The following PRKN variants were observed in gnomAD, a reference collection of about 807,000 sequenced individuals.
PRKN encodes the protein E3 ubiquitin-protein ligase parkin.
In PRKN, 56 loss-of-function variants were observed where a neutral mutation model predicts 59.5. The observed-to-expected ratio is 0.94, with a 90% CI of 0.76 to 1.18. The LOEUF is 1.18. Among genes scored for constraint, PRKN ranks in the 50% most tolerant of loss-of-function variants. The pLI, the probability that PRKN is intolerant of heterozygous loss-of-function variation, is 0.00. For missense variants in PRKN, 657 were observed against 596.4 expected (o/e 1.10, Z -1.06); for synonymous variants, 250 against 222.1 (o/e 1.13, Z -1.12).
chr6:162,442,830 C>A (rs192770300), intron 2 of PRKN, among the ~76,000 whole-genome samples: 2 of 152,094 alleles, frequency 1.3e-5, no homozygotes, highest in African/African-American at 4.8e-5. Flanking sequence ...TGCCAATGGG[C>A]CCCGGAGCCC....
intron 9 of PRKN, among the ~76,000 whole-genome samples, chr6:161,496,793 C>T (rs1777767894): frequency 6.6e-6 from 1 of 152,144 alleles, no homozygotes; most frequent in Non-Finnish European, 1.5e-5. Flanking sequence ...GGAGACACAG[C>T]AAGAAGGTGG....
intron 7 of PRKN, among the ~76,000 whole-genome samples, chr6:161,733,985 CA>C: frequency 6.9e-6 from 1 of 143,894 alleles, no homozygotes; most frequent in African/African-American, 2.9e-5. Context: ...CACACACACA[CA>C]CACACACACA....
At chr6:161,944,134 G>GACCAGCCTGAGGAATCAGCCTGAGGA in intron 6 of PRKN, among the ~76,000 whole-genome samples, 1 of 103,316 alleles carries the variant, frequency 9.7e-6, no homozygotes, top group South Asian at 3.4e-4. Context: ...CAGCCTGAGG[G>GACCAGCCTGAGGAATCAGCCTGAGGA]ATCAGCCTGA....
intron 1 of PRKN, among the ~76,000 whole-genome samples, chr6:162,661,948 A>G (rs1054348789): frequency 6.6e-6 from 1 of 152,172 alleles, no homozygotes; most frequent in Admixed American, 6.5e-5. Flanking sequence ...TGTACCCAGT[A>G]GGTTTTTCAA....
intron 7 of PRKN, among the ~76,000 whole-genome samples, chr6:161,606,580 A>G (rs964968378): frequency 7.9e-5 from 12 of 152,246 alleles, no homozygotes; most frequent in Non-Finnish European, 1.0e-4. Context: ...AGAAAAAATC[A>G]GAAGAGAGAT....
chr6:161,492,035 A>G (rs997369784), intron 9 of PRKN, among the ~76,000 whole-genome samples: 5 of 152,234 alleles, frequency 3.3e-5, no homozygotes, highest in Non-Finnish European at 7.3e-5. Flanking sequence ...GGTAAAACTC[A>G]TAAGACATAT....
intron 1 of PRKN, among the ~76,000 whole-genome samples, chr6:162,468,751 C>T (rs1174165750): frequency 6.6e-6 from 1 of 152,172 alleles, no homozygotes; most frequent in Admixed American, 6.5e-5. Flanking sequence ...TAAGTGTGGT[C>T]TCTTACCTAG....
chr6:161,369,303 A>C lies in PRKN; in HGVS notation c.1168-9098T>G, dbSNP rs1038997965. ...GTCCAGACTCTGGAGATTGGGATTC[A>C]GTAGGTCTGTGGCGGGGTACAGAAA... On this transcript the variant is annotated intron_variant, in intron 10 of 11. Coordinates refer to ENST00000366898, the MANE Select transcript of PRKN (RefSeq NM_004562.3). The surrounding 1 kb of genome is among the most constrained non-coding windows in gnomAD (Gnocchi z 5.8). 6.6e-6 allele frequency among the ~76,000 whole-genome samples: 1 copy of C among 152,200 alleles called. No homozygotes were observed. The highest frequency in any genetic ancestry group is 1.5e-5 in the Non-Finnish European group (1 of 68,038).
Position 161,911,003 on chromosome 6 carries a change from A to G in PRKN, c.734+62299T>C, listed in dbSNP as rs1220930610. Among the ~76,000 whole-genome samples, 50 of 152,240 alleles carry G rather than the reference A, an allele frequency of 3.3e-4. 1 individual carries two copies. The highest frequency in any genetic ancestry group is 3.2e-3 in the Admixed American group (49 of 15,282). On this transcript the variant is annotated intron_variant, in intron 6 of 11. Transcript: ENST00000366898. Reference sequence around the variant, plus strand: ...GTTTTAGAAGCACTGGGACACCAAAATAACTGTGGACTTGCTTTACTGTGA... The same window carrying G: ...GTTTTAGAAGCACTGGGACACCAAAGTAACTGTGGACTTGCTTTACTGTGA...
chr6:162,018,566 CA>C (rs2128274122), intron 5 of PRKN, among the ~76,000 whole-genome samples: 1 of 152,290 alleles, frequency 6.6e-6, no homozygotes, highest in African/African-American at 2.4e-5. Context: ...ATAATCTTGA[CA>C]GATGTGTTTT....
At chr6:162,260,231 CAG>C (rs1779830137) in intron 3 of PRKN, among the ~76,000 whole-genome samples, 1 of 152,070 alleles carries the variant, frequency 6.6e-6, no homozygotes, top group African/African-American at 2.4e-5. Flanking sequence ...GGCCACAAGA[CAG>C]AGGGGTAAAT....
intron 5 of PRKN, among the ~76,000 whole-genome samples, chr6:161,985,122 C>T (rs1176048264): frequency 6.6e-6 from 1 of 152,196 alleles, no homozygotes; most frequent in Non-Finnish European, 1.5e-5. Context: ...ATCGCAGTGA[C>T]TTATGCGATG....
intron 8 of PRKN, among the ~76,000 whole-genome samples, chr6:161,564,405 C>T (rs1780562116): frequency 6.6e-6 from 1 of 152,190 alleles, no homozygotes. Context: ...TCCAGCTGCC[C>T]CAAACCCTGA....
chr6:162,052,956 T>A (rs536048282), intron 5 of PRKN, among the ~76,000 whole-genome samples: 1 of 152,160 alleles, frequency 6.6e-6, no homozygotes, highest in African/African-American at 2.4e-5. Flanking sequence ...ACATATTACA[T>A]TTGTATACAT....
intron 8 of PRKN, among the ~76,000 whole-genome samples, chr6:161,559,832 T>G (rs927987960): frequency 6.6e-6 from 1 of 152,192 alleles, no homozygotes; most frequent in Non-Finnish European, 1.5e-5. Flanking sequence ...CCAAAATATT[T>G]TTTAAAATCA....
Position 162,020,973 on chromosome 6 carries a change from C to T in PRKN, c.618+33118G>A, listed in dbSNP as rs561140775. Among the ~76,000 whole-genome samples the T allele has an allele frequency of 7.5e-4, 113 of 150,398 alleles. 2 individuals are homozygous for T. The highest frequency in any genetic ancestry group is 5.5e-4 in the Non-Finnish European group (37 of 67,516). On this transcript the variant is annotated intron_variant, in intron 5 of 11. Coordinates refer to ENST00000366898, the MANE Select transcript of PRKN (RefSeq NM_004562.3). ...CAAAAATTAGCCGGGCATGGTGGTG[C>T]GCACCTGTAATCCCAGCTACTCAGG... is the stretch of plus-strand genomic sequence containing the variant.
intron 1 of PRKN, among the ~76,000 whole-genome samples, chr6:162,604,564 A>G (rs1475363525): frequency 3.3e-5 from 5 of 152,178 alleles, no homozygotes; most frequent in African/African-American, 7.2e-5. Flanking sequence ...AGAAATTAAC[A>G]AAATAAAATC....
Position 162,262,590 on chromosome 6 carries a change from G to C in PRKN, c.347C>G (p.Ser116Cys). 1 of 1,613,148 alleles carries C rather than the reference G, an allele frequency of 6.2e-7. No individual in the cohort carries two copies. The highest frequency in any genetic ancestry group is 8.5e-7 in the Non-Finnish European group (1 of 1,179,190). ...DLSSSVLPGD[S>C]VGLAVILHTD... ...GTGCAGAATGACAGCCAGCCCCACA[G>C]AGTCTCCTGGGAGGACTGAGCTGCT... The change falls in exon 3 of 12, where the codon TCT (serine) becomes TGT (cysteine). Residue 116 changes from serine to cysteine, a missense_variant. By Grantham distance (112) the Ser-to-Cys change is moderately radical. Transcript: ENST00000366898.
At chr6:161,807,063 A>G (rs776933329) in intron 6 of PRKN, among the ~76,000 whole-genome samples, 5 of 152,226 alleles carry the variant, frequency 3.3e-5, no homozygotes, top group Non-Finnish European at 7.3e-5. Context: ...AAAATAGTCT[A>G]AAGGTACTAA....
Sources: gnomAD v4.1 joint callset for allele counts (sites outside exome capture counted in the v4.1 genomes callset) on GRCh38, gnomAD v4.1.1 for gene constraint, Gnocchi (gnomAD v3.1) non-coding constraint, MANE v1.5 for transcripts, NCBI Gene and HGNC (gene_info 2026-07-23, HGNC 2026-07-21) for gene names.